LRRIQ3: variants seen among roughly 807,000 people sequenced by gnomAD.
LRRIQ3 encodes leucine-rich repeat and IQ domain-containing protein 3.
LRRIQ3 carries 75 observed loss-of-function variants against 59.3 expected under a neutral mutation model. The observed-to-expected ratio is 1.26, with a 90% confidence interval of 1.05 to 1.53. LRRIQ3 has a LOEUF of 1.53. LRRIQ3 is among the 40% of genes most tolerant of loss of function. LRRIQ3 has a pLI of 0.00. For missense variants in LRRIQ3, 831 were observed against 710.0 expected (o/e 1.17, Z -1.94); for synonymous variants, 250 against 231.3 (o/e 1.08, Z -0.73).
chr1:74,113,043 C>A (rs961370728), intron 4 of LRRIQ3, among the ~76,000 whole-genome samples: 7 of 151,804 alleles, frequency 4.6e-5, no homozygotes, highest in African/African-American at 1.7e-4. Context: ...GAAAGAAAAT[C>A]AAGCTTAAGT....
intron 6 of LRRIQ3, among the ~76,000 whole-genome samples, chr1:74,063,203 T>C (rs1654778564): frequency 6.6e-6 from 1 of 151,984 alleles, no homozygotes; most frequent in Non-Finnish European, 1.5e-5. Flanking sequence ...ATTTGTGAGA[T>C]TTCAAAATTT....
At chr1:74,136,462 C>A (rs1647125855) in intron 4 of LRRIQ3, among the ~76,000 whole-genome samples, 1 of 151,892 alleles carries the variant, frequency 6.6e-6, no homozygotes, top group Non-Finnish European at 1.5e-5. Flanking sequence ...TTCCAAGGTA[C>A]CTCTCTGGAA....
At chr1:74,069,615 A>C (rs1654964617) in intron 6 of LRRIQ3, among the ~76,000 whole-genome samples, 1 of 152,060 alleles carries the variant, frequency 6.6e-6, no homozygotes. Flanking sequence ...TTTGGATAAT[A>C]TTTATAGCAA....
chr1:74,084,308 T>C, intron 5 of LRRIQ3: 1 of 1,325,824 alleles, frequency 7.5e-7, no homozygotes. Flanking sequence ...CAGCAAACAT[T>C]ACATTTTGCC....
intron 6 of LRRIQ3, among the ~76,000 whole-genome samples, chr1:74,042,953 C>T (rs1325979412): frequency 6.6e-6 from 1 of 152,052 alleles, no homozygotes; most frequent in South Asian, 2.1e-4. Flanking sequence ...GCCTGCCTGC[C>T]TGAATCACTT....
At chr1:74,160,457 T>C (rs1277669988) in intron 3 of LRRIQ3, among the ~76,000 whole-genome samples, 1 of 152,128 alleles carries the variant, frequency 6.6e-6, no homozygotes, top group Non-Finnish European at 1.5e-5. Context: ...TATATGTACT[T>C]TGCTCACAGA....
intron 7 of LRRIQ3, among the ~76,000 whole-genome samples, chr1:74,038,325 C>T (rs1050132207): frequency 2.6e-5 from 4 of 152,158 alleles, no homozygotes; most frequent in Admixed American, 2.0e-4. Flanking sequence ...TGGGCCTGAG[C>T]CCCCAGGGTG....
chr1:74,154,679 A>T (rs1046597350), intron 4 of LRRIQ3, among the ~76,000 whole-genome samples: 5 of 152,254 alleles, frequency 3.3e-5, no homozygotes, highest in Non-Finnish European at 7.3e-5. Context: ...TATTTAATAT[A>T]AAAAGCACAT....
intron 6 of LRRIQ3, among the ~76,000 whole-genome samples, chr1:74,042,174 C>T (rs1204573982): frequency 6.6e-6 from 1 of 152,110 alleles, no homozygotes; most frequent in Non-Finnish European, 1.5e-5. Flanking sequence ...TTATCTTCCA[C>T]AATTACTTAA....
rs1654047668 is a variant in LRRIQ3, at chr1:74,041,613, C to T, written c.1318G>A (p.Val440Ile). ...ACTTGTGCCATGGCTACAACTCTTA[C>T]TTTTTCTTTATGGTATTCCTGCTTC... ...QKKQEYHKEK[V>I]RVVAMAQVAR... The change falls in exon 7 of 8, where the codon GTA (valine) becomes ATA (isoleucine). Residue 440 changes from valine to isoleucine, a missense_variant. Coordinates refer to ENST00000354431, the MANE Select transcript of LRRIQ3 (RefSeq NM_001105659.2). The T allele has an allele frequency of 1.9e-6, 3 of 1,613,748 alleles. No individual in the cohort carries two copies. Among genetic ancestry groups the T allele is most frequent in the Non-Finnish European group, 1.7e-6 (2 of 1,179,852 alleles).
chr1:74,104,223 T>C (rs1365885273), intron 5 of LRRIQ3, among the ~76,000 whole-genome samples: 2 of 151,974 alleles, frequency 1.3e-5, no homozygotes, highest in African/African-American at 4.8e-5. Flanking sequence ...TACCAAAAGC[T>C]GATGAGGTCT....
intron 6 of LRRIQ3, among the ~76,000 whole-genome samples, chr1:74,072,605 T>C (rs1655059000): frequency 6.6e-6 from 1 of 152,128 alleles, no homozygotes; most frequent in Non-Finnish European, 1.5e-5. Flanking sequence ...TCAGGAGTAA[T>C]AGTATCTAGG....
rs574666035 is a variant in LRRIQ3, at chr1:74,029,818, C to T, written c.1719-2849G>A. Among the ~76,000 whole-genome samples, 4 of 152,134 alleles carry T rather than the reference C, an allele frequency of 2.6e-5. No homozygotes were observed. The East Asian group carries it at 5.8e-4, about 22-fold the overall frequency. ...CTCTGGTAGAATTCGGCTGTGAATC[C>T]ATCTGGTCCTGGACTTTTTTTGGTT... is the stretch of plus-strand genomic sequence containing the variant. On this transcript the variant is annotated intron_variant, in intron 7 of 7. Coordinates refer to ENST00000354431, the MANE Select transcript of LRRIQ3 (RefSeq NM_001105659.2).
At chr1:74,070,107 CA>C (rs1427254525) in intron 6 of LRRIQ3, among the ~76,000 whole-genome samples, 2 of 152,026 alleles carry the variant, frequency 1.3e-5, no homozygotes, top group South Asian at 4.1e-4. Flanking sequence ...TTTGGCCTAG[CA>C]ATTCCATTAT....
intron 6 of LRRIQ3, among the ~76,000 whole-genome samples, chr1:74,065,718 T>C (rs192967218): frequency 1.6e-4 from 25 of 152,250 alleles, no homozygotes; most frequent in Admixed American, 1.3e-3. Flanking sequence ...TGTAATTTTA[T>C]TTTTTATTAA....
chr1:74,118,027 T>C (rs980352329), intron 4 of LRRIQ3, among the ~76,000 whole-genome samples: 1 of 151,724 alleles, frequency 6.6e-6, no homozygotes, highest in Non-Finnish European at 1.5e-5. Context: ...TTTAAAAGAA[T>C]ACATTTAGCT....
At chr1:74,194,426 T>A (rs1329146406) in intron 1 of LRRIQ3, among the ~76,000 whole-genome samples, 1 of 152,184 alleles carries the variant, frequency 6.6e-6, no homozygotes, top group Non-Finnish European at 1.5e-5. Context: ...ATATTCTATA[T>A]GTTTTCAAAT....
intron 1 of LRRIQ3, among the ~76,000 whole-genome samples, chr1:74,184,822 T>C (rs1223593575): frequency 1.3e-5 from 2 of 152,176 alleles, no homozygotes; most frequent in Non-Finnish European, 2.9e-5. Flanking sequence ...AATACACAGA[T>C]ATAAATAAAC....
At chr1:74,029,485 T>A (rs544193763) in intron 7 of LRRIQ3, among the ~76,000 whole-genome samples, 2 of 152,276 alleles carry the variant, frequency 1.3e-5, no homozygotes, top group East Asian at 3.9e-4. Context: ...GTTCTGTTTA[T>A]ATGCTGGATT....
Sources: allele counts gnomAD v4.1 joint callset (sites outside exome capture counted in the v4.1 genomes callset), GRCh38; gene constraint gnomAD v4.1.1; transcripts MANE v1.5; gene names NCBI Gene and HGNC (gene_info 2026-07-23, HGNC 2026-07-21).